GNAS: variants seen among roughly 807,000 people sequenced by gnomAD.
The protein encoded by GNAS is GNAS complex locus.
GNAS carries 8 observed loss-of-function variants against 54.5 expected under a neutral mutation model. The observed-to-expected ratio is 0.15, with a 90% CI of 0.09 to 0.26. The LOEUF (loss-of-function observed/expected upper bound fraction) is 0.26, where lower values mean the gene tolerates loss of function less well. GNAS is among the 10% of genes least tolerant of loss of function. The pLI, the probability that GNAS is intolerant of heterozygous loss-of-function variation, is 1.00. For synonymous variants in GNAS, 204 were observed against 191.4 expected (o/e 1.07, Z -0.54); for missense variants, 170 against 529.8 (o/e 0.32, Z 6.67).
chr20:58,886,307 C>T (rs959457181), intron 1 of GNAS, among the ~76,000 whole-genome samples: 76 of 152,258 alleles, frequency 5.0e-4, no homozygotes, highest in African/African-American at 1.8e-3. Flanking sequence ...CAAGTTTTTT[C>T]GTTAGGTGAC....
At chr20:58,866,966 T>C (rs2087107280) in intron 1 of GNAS, among the ~76,000 whole-genome samples, 2 of 152,316 alleles carry the variant, frequency 1.3e-5, no homozygotes, top group South Asian at 2.1e-4. Flanking sequence ...GGTAGTTTGA[T>C]AAATTATATA....
rs753223120 is a variant in GNAS, at chr20:58,854,695, C to G, written c.43+13809C>G. 4 of 1,529,538 alleles carry G rather than the reference C, an allele frequency of 2.6e-6. No homozygotes were observed. The South Asian group carries it at 4.8e-5, about 18-fold the overall frequency. 94.7% of individuals were successfully genotyped at this position (1,529,538 alleles called of 1,614,324 possible). A position where few individuals can be genotyped will look rare whatever the true frequency, so the allele number is the denominator to read the frequency against. The stretch of plus-strand genomic sequence containing the variant: ...GCGGCCCCTGAGGCTCCCGCCGCCC[C>G]TGCGGCTGCTGAGACCCGGGCAGCC... On this transcript the variant is annotated intron_variant, in intron 1 of 12. Coordinates refer to the GNAS transcript ENST00000306090.
chr20:58,843,464 C>T (rs2085822640), intron 1 of GNAS: 1 of 152,322 alleles, frequency 6.6e-6, no homozygotes, highest in Admixed American at 6.5e-5. Flanking sequence ...TCCCAACTCA[C>T]TAGTCTCCCA....
Position 58,847,244 on chromosome 20 carries a change from ACCTCTAATATCAGCCTTGCATCTG to A in GNAS, c.43+6366_43+6389del, listed in dbSNP as rs1220250164. 4.6e-4 allele frequency among the ~76,000 whole-genome samples: 17 copies of A among 36,622 alleles called. No homozygotes were observed. The Admixed American group carries it at 5.8e-3, about 12-fold the overall frequency. 24.0% of individuals were successfully genotyped at this position (36,622 alleles called of 152,430 possible). A position where few individuals can be genotyped will look rare whatever the true frequency, so the allele number is the denominator to read the frequency against. ...TATTTTCATAAAGACTTTTTCCACTACCTCTAATATCAGCCTTGCATCTGCCTCTAACCTGGTATCTTGCCTCAT... is the reference window on the plus strand; with the variant it reads ...TATTTTCATAAAGACTTTTTCCACTACCTCTAACCTGGTATCTTGCCTCAT... On this transcript the variant is annotated intron_variant, in intron 1 of 12. Transcript: ENST00000306090.
At chr20:58,897,606 A>G (rs1215444122) in intron 2 of GNAS, 2 of 152,174 alleles carry the variant, frequency 1.3e-5, no homozygotes, top group Non-Finnish European at 2.9e-5. Context: ...TCTCCTCCCT[A>G]AGCGAGCCAG....
At chr20:58,898,438 G>A (rs2090282481) in intron 2 of GNAS, 2 of 160,084 alleles carry the variant, frequency 1.2e-5, no homozygotes, top group African/African-American at 4.8e-5. Flanking sequence ...CATTTTATAG[G>A]TAGTTTCCTT....
intron 1 of GNAS, among the ~76,000 whole-genome samples, chr20:58,877,339 G>A (rs1306883546): frequency 1.3e-5 from 2 of 152,064 alleles, no homozygotes; most frequent in Admixed American, 6.6e-5. Flanking sequence ...GGGGGCCCAG[G>A]ACTAGTCAGC....
At chr20:58,850,488 C>T (rs1488826460) in intron 1 of GNAS, 1 of 398,274 alleles carries the variant, frequency 2.5e-6, no homozygotes, top group African/African-American at 2.1e-5. Flanking sequence ...TTGGAGCACC[C>T]ATGGCAGCCT....
At chr20:58,840,089 C>G (rs1423771273), upstream of GNAS, 14 of 1,609,376 alleles carry the variant, frequency 8.7e-6, no homozygotes, top group Non-Finnish European at 1.2e-5. The surrounding 1 kb of genome is among the most constrained non-coding windows in gnomAD (Gnocchi z 6.0). Flanking sequence ...GCCGGCTTCT[C>G]GGTGTGTGCC....
At chr20:58,893,440 G>C (rs1034798152) in intron 1 of GNAS, among the ~76,000 whole-genome samples, 1 of 152,102 alleles carries the variant, frequency 6.6e-6, no homozygotes, top group African/African-American at 2.4e-5. Flanking sequence ...GAATTTGCTA[G>C]GTTAAGACCT....
At chr20:58,865,040 G>C (rs562927033) in intron 1 of GNAS, among the ~76,000 whole-genome samples, 211 of 151,878 alleles carry the variant, frequency 1.4e-3, no homozygotes, top group African/African-American at 5.0e-3. Flanking sequence ...ACCCCTCATT[G>C]ATAACTACTG....
At position 58,910,429 on chromosome 20, in the gene GNAS, C is replaced by G. The variant is rs1217735594; in HGVS notation, c.1038+28C>G. On this transcript the variant is annotated intron_variant, in intron 12 of 12. Transcript: ENST00000371085. The surrounding 1 kb of genome is among the most constrained non-coding windows in gnomAD (Gnocchi z 5.8). ...GAGTCGAGCCTGTCTTTAGTTTCCT[C>G]TCTTGTTCCTCCTCTTTTTCTCATG... is the stretch of plus-strand genomic sequence containing the variant. The G allele has an allele frequency of 6.6e-7, 1 of 1,514,202 alleles. No homozygotes were observed. The highest frequency in any genetic ancestry group is 9.2e-7 in the Non-Finnish European group (1 of 1,088,894). 93.8% of individuals were successfully genotyped at this position (1,514,202 alleles called of 1,614,324 possible).
In GNAS at chr20:58,910,330, A is replaced by G. The variant is rs758379447; in HGVS notation, c.971-4A>G. 5.0e-6 allele frequency: 8 copies of G among 1,601,492 alleles called. No individual in the cohort carries two copies. Among genetic ancestry groups the G allele is most frequent in the Admixed American group, 1.7e-5 (1 of 59,976 alleles). Reference sequence around the variant, plus strand: ...ACATTAATATGTATTCCCTTTTTATATAGCTACTCCCGAGCCCGGAGAGGA... The same window carrying G: ...ACATTAATATGTATTCCCTTTTTATGTAGCTACTCCCGAGCCCGGAGAGGA... On this transcript the variant is annotated splice_region_variant and splice_polypyrimidine_tract_variant and intron_variant, in intron 11 of 12. Coordinates refer to ENST00000371085, the MANE Select transcript of GNAS (RefSeq NM_000516.7). This position sits in a 1 kb window ranked among gnomAD's most constrained non-coding sequence, Gnocchi z 5.8.
At chr20:58,903,453 C>A (rs756848569) in intron 3 of GNAS, 78 bp from the exon 4 acceptor site, 1 of 1,163,522 alleles carries the variant, frequency 8.6e-7, no homozygotes, top group Non-Finnish European at 1.3e-6. Flanking sequence ...GCTTTTTAGT[C>A]GGGATGTCTT....
chr20:58,876,597 TAA>T (rs2087836467), intron 1 of GNAS: 1 of 152,094 alleles, frequency 6.6e-6, no homozygotes. Context: ...TCGAATTATA[TAA>T]GTTACAGTTT....
chr20:58,899,523 T>C (rs765211991), intron 3 of GNAS: 1 of 546,654 alleles, frequency 1.8e-6, no homozygotes, highest in African/African-American at 1.9e-5. Flanking sequence ...TTAAAAATGA[T>C]CAAATTTATT....
intron 1 of GNAS, among the ~76,000 whole-genome samples, chr20:58,858,806 T>C (rs1020959821): frequency 5.3e-5 from 8 of 152,160 alleles, no homozygotes; most frequent in East Asian, 1.9e-4. Flanking sequence ...CTCTCTCTCT[T>C]TTTTAACATA....
intron 1 of GNAS, among the ~76,000 whole-genome samples, chr20:58,848,549 A>T (rs370845697): frequency 5.9e-5 from 9 of 152,322 alleles, no homozygotes; most frequent in African/African-American, 1.7e-4. Flanking sequence ...GCAGATCCTA[A>T]AAAAGCCCCG....
rs1433433813 is a variant in GNAS, at chr20:58,863,368, T to G, written c.43+22482T>G. On this transcript the variant is annotated intron_variant, in intron 1 of 12. Transcript: ENST00000306090. This position sits in a 1 kb window ranked among gnomAD's most constrained non-coding sequence, Gnocchi z 4.1. ...TATTTAAATTCAGGAGTATTTTGACTTGTGGAGTTCTGCCCACAGAACTGC... is the reference window on the plus strand; with the variant it reads ...TATTTAAATTCAGGAGTATTTTGACGTGTGGAGTTCTGCCCACAGAACTGC... Among the ~76,000 whole-genome samples the G allele has an allele frequency of 6.6e-6, 1 of 152,218 alleles. No individual in the cohort carries two copies.
Sources: allele counts gnomAD v4.1 joint callset (sites outside exome capture counted in the v4.1 genomes callset), GRCh38; gene constraint gnomAD v4.1.1; non-coding constraint Gnocchi (gnomAD v3.1); transcripts MANE v1.5; gene names NCBI Gene and HGNC (gene_info 2026-07-23, HGNC 2026-07-21).